Variants in KCND2 observed in about 807,000 individuals in gnomAD.
KCND2 encodes the protein potassium voltage-gated channel subfamily D member 2, also known as A-type voltage-gated potassium channel KCND2.
In KCND2, 16 loss-of-function variants were observed where a neutral mutation model predicts 54.4. That is an observed-to-expected ratio of 0.29 (90% CI 0.20 to 0.45). The LOEUF (loss-of-function observed/expected upper bound fraction) is 0.45. Among genes scored for constraint, KCND2 ranks in the 20% least tolerant of loss-of-function variants. The pLI is 1.00. For missense variants in KCND2, 486 were observed against 824.2 expected, an observed-to-expected ratio of 0.59 and a Z score of 5.02; for synonymous variants, 317 against 310.7, an observed-to-expected ratio of 1.02 and a Z score of -0.21.
At chr7:120,431,129 AGAT>A (rs1165985232) in intron 1 of KCND2, among the ~76,000 whole-genome samples, 5 of 152,220 alleles carry the variant, frequency 3.3e-5, no homozygotes, top group African/African-American at 9.6e-5. Flanking sequence ...ATCTTCCTGA[AGAT>A]GATTCATCAA....
rs141296844 is a variant in KCND2 at position 120,344,359 on chromosome 7, A to G, written c.1115+68612A>G. Among the ~76,000 whole-genome samples the G allele has an allele frequency of 7.2e-5, 11 of 152,302 alleles. No homozygotes were observed. In the East Asian group the frequency reaches 1.7e-3, roughly 24 times the overall value. On this transcript the variant is annotated intron_variant, in intron 1 of 5. Coordinates refer to ENST00000331113, the MANE Select transcript of KCND2 (RefSeq NM_012281.3). ...TGAGAGCACAGCTGCTTAGGATTCT[A>G]CTGAAATGTGGGAAACATTATTCGT...
chr7:120,544,338 T>C (rs188565205), intron 1 of KCND2, among the ~76,000 whole-genome samples: 340 of 152,056 alleles, frequency 2.2e-3, no homozygotes, highest in Non-Finnish European at 3.7e-3. Flanking sequence ...ACATAGAATC[T>C]TATCTTGTAC....
At chr7:120,325,614 C>A (rs563109367) in intron 1 of KCND2, among the ~76,000 whole-genome samples, 1 of 151,612 alleles carries the variant, frequency 6.6e-6, no homozygotes, top group Non-Finnish European at 1.5e-5. Flanking sequence ...TATTGATTTG[C>A]GTATATTGAA....
chr7:120,543,730 A>G (rs1356289449), intron 1 of KCND2, among the ~76,000 whole-genome samples: 2 of 152,006 alleles, frequency 1.3e-5, no homozygotes, highest in Non-Finnish European at 2.9e-5. Flanking sequence ...AAACTAGTCT[A>G]TTCCTTTTAT....
chr7:120,317,389 A>G (rs891524443), intron 1 of KCND2, among the ~76,000 whole-genome samples: 1 of 152,208 alleles, frequency 6.6e-6, no homozygotes, highest in African/African-American at 2.4e-5. Flanking sequence ...ATGTATATAT[A>G]TGTATCATAC....
intron 1 of KCND2, among the ~76,000 whole-genome samples, chr7:120,698,819 C>A (rs1263267382): frequency 6.6e-6 from 1 of 152,174 alleles, no homozygotes; most frequent in Non-Finnish European, 1.5e-5. Context: ...CAGCTGTGTT[C>A]TTTGGGTTCA....
intron 1 of KCND2, among the ~76,000 whole-genome samples, chr7:120,439,228 G>T (rs990197276): frequency 6.6e-6 from 1 of 151,974 alleles, no homozygotes; most frequent in Non-Finnish European, 1.5e-5. Flanking sequence ...AGGCTCTAGA[G>T]CCTACCAATT....
At chr7:120,724,163 G>T (rs1195774912) in intron 1 of KCND2, among the ~76,000 whole-genome samples, 1 of 152,140 alleles carries the variant, frequency 6.6e-6, no homozygotes, top group South Asian at 2.1e-4. Flanking sequence ...ACTGGACAAG[G>T]TCTGTGCTAG....
intron 1 of KCND2, among the ~76,000 whole-genome samples, chr7:120,367,719 G>A (rs1362635097): frequency 6.6e-6 from 1 of 151,512 alleles, no homozygotes; most frequent in Non-Finnish European, 1.5e-5. Flanking sequence ...CTATGGGTTT[G>A]CTTCTCAGAA....
chr7:120,661,147 A>G (rs1791860689), intron 1 of KCND2, among the ~76,000 whole-genome samples: 1 of 152,100 alleles, frequency 6.6e-6, no homozygotes, highest in Non-Finnish European at 1.5e-5. Flanking sequence ...TGGAATAGAG[A>G]GTTGACTCTC....
intron 1 of KCND2, among the ~76,000 whole-genome samples, chr7:120,413,885 T>C (rs909259657): frequency 1.3e-4 from 20 of 151,956 alleles, no homozygotes. Flanking sequence ...GGCATTAGCA[T>C]GTATGGCACT....
intron 1 of KCND2, among the ~76,000 whole-genome samples, chr7:120,493,130 A>G (rs1802807118): frequency 6.6e-6 from 1 of 151,810 alleles, no homozygotes; most frequent in African/African-American, 2.4e-5. Context: ...GAGTGGACAC[A>G]GACATTCAGA....
At chr7:120,494,704 G>A (rs1416780414) in intron 1 of KCND2, among the ~76,000 whole-genome samples, 1 of 152,054 alleles carries the variant, frequency 6.6e-6, no homozygotes, top group Non-Finnish European at 1.5e-5. Flanking sequence ...ATATTCTAAT[G>A]CAATTCAAAT....
chr7:120,308,586 A>G (rs888215455), intron 1 of KCND2, among the ~76,000 whole-genome samples: 6 of 152,202 alleles, frequency 3.9e-5, no homozygotes, highest in African/African-American at 1.2e-4. Context: ...ATATTGGTCC[A>G]TACAATTTGT....
intron 1 of KCND2, among the ~76,000 whole-genome samples, chr7:120,371,960 A>G (rs1443952557): frequency 6.6e-6 from 1 of 151,840 alleles, no homozygotes; most frequent in African/African-American, 2.4e-5. Flanking sequence ...CGTGTATACC[A>G]CCTTTTCTTT....
chr7:120,687,650 T>C (rs1398335298), intron 1 of KCND2, among the ~76,000 whole-genome samples: 1 of 151,882 alleles, frequency 6.6e-6, no homozygotes. Context: ...ACCCCATATC[T>C]AAAAAGAAAA....
intron 1 of KCND2, among the ~76,000 whole-genome samples, chr7:120,456,496 T>C (rs966009632): frequency 6.6e-6 from 1 of 152,204 alleles, no homozygotes; most frequent in African/African-American, 2.4e-5. Context: ...ACTAGAGAAA[T>C]TCAACTATTT....
At chr7:120,315,069 CAACT>C (rs927992122) in intron 1 of KCND2, among the ~76,000 whole-genome samples, 2 of 151,692 alleles carry the variant, frequency 1.3e-5, no homozygotes, top group African/African-American at 4.8e-5. Flanking sequence ...ATCAATTTAC[CAACT>C]GATTACAGCT....
At chr7:120,503,138 G>A (rs1460303617) in intron 1 of KCND2, among the ~76,000 whole-genome samples, 1 of 151,904 alleles carries the variant, frequency 6.6e-6, no homozygotes, top group South Asian at 2.1e-4. Flanking sequence ...CAGCCTTTTA[G>A]TAGTTCTTTT....
Sources: allele counts gnomAD v4.1 joint callset (sites outside exome capture counted in the v4.1 genomes callset), GRCh38; gene constraint gnomAD v4.1.1; transcripts MANE v1.5; gene names NCBI Gene and HGNC (gene_info 2026-07-23, HGNC 2026-07-21).